ITFG1: variants seen among roughly 807,000 people sequenced by gnomAD.
ITFG1 encodes the protein integrin alpha FG-GAP repeat containing 1.
Under a neutral mutation model 81.8 loss-of-function variants are expected in ITFG1, and 34 were observed. The observed-to-expected ratio is 0.42, with a 90% CI of 0.32 to 0.55. The LOEUF (loss-of-function observed/expected upper bound fraction) is 0.55. Ranked by LOEUF, ITFG1 falls within the 20% of genes least tolerant of loss-of-function variation. ITFG1 has a pLI of 0.17. For missense variants in ITFG1, 672 were observed against 755.4 expected, an observed-to-expected ratio of 0.89 and a Z score of 1.29; for synonymous variants, 285 against 270.6, an observed-to-expected ratio of 1.05 and a Z score of -0.52.
intron 6 of ITFG1, chr16:47,396,152 GGA>G (rs1968590107): frequency 1.0e-6 from 1 of 985,126 alleles, no homozygotes; most frequent in African/African-American, 1.7e-5. Flanking sequence ...GTCAGGAGAA[GGA>G]GAGATAAGTC....
intron 7 of ITFG1, among the ~76,000 whole-genome samples, chr16:47,371,890 A>AGGATC (rs1205161254): frequency 6.6e-6 from 1 of 151,840 alleles, no homozygotes; most frequent in African/African-American, 2.4e-5. Flanking sequence ...AGGGTGCCCA[A>AGGATC]GGATCTGGTT....
In ITFG1 at chr16:47,226,773, A is replaced by G. The variant is rs535695997; in HGVS notation, c.1375-7827T>C. Among the ~76,000 whole-genome samples the G allele has an allele frequency of 3.3e-5, 5 of 152,216 alleles. No individual in the cohort carries two copies. The East Asian group carries it at 9.7e-4, about 29-fold the overall frequency. On this transcript the variant is annotated intron_variant, in intron 13 of 17. Coordinates refer to ENST00000320640, the MANE Select transcript of ITFG1 (RefSeq NM_030790.5). ...CAAAAATCTGAATGTAAAAGGAGAT[A>G]AGGGAATATGCTATCTTCTATTACA...
intron 8 of ITFG1, among the ~76,000 whole-genome samples, chr16:47,352,525 T>G (rs1267671707): frequency 6.6e-6 from 1 of 152,124 alleles, no homozygotes; most frequent in Non-Finnish European, 1.5e-5. Context: ...TCTATACCAG[T>G]TAGAATGGCG....
chr16:47,224,588 C>A (rs1482005868), intron 13 of ITFG1, among the ~76,000 whole-genome samples: 1 of 151,958 alleles, frequency 6.6e-6, no homozygotes. Flanking sequence ...AACCACAAAC[C>A]CAGGCAATGG....
At position 47,391,315 on chromosome 16, in the gene ITFG1, A is replaced by G. The variant is rs1352802137; in HGVS notation, c.656-15375T>C. ...AATCCTACAGTTGAAGAGAGTCTAT[A>G]TAAAGACACCTATATTTTCACAGAA... On this transcript the variant is annotated intron_variant, in intron 6 of 17. Transcript: ENST00000320640. Among the ~76,000 whole-genome samples the G allele has an allele frequency of 2.6e-5, 4 of 152,334 alleles. No homozygotes were observed. The East Asian group carries it at 7.7e-4, about 29-fold the overall frequency.
chr16:47,445,971 C>T (rs1231650536), intron 5 of ITFG1, among the ~76,000 whole-genome samples: 2 of 151,954 alleles, frequency 1.3e-5, no homozygotes, highest in African/African-American at 4.8e-5. Context: ...CATTTATTTA[C>T]GTATTTGTGA....
chr16:47,163,954 TAC>T (rs796283043), intron 14 of ITFG1, among the ~76,000 whole-genome samples: 22 of 96,678 alleles, frequency 2.3e-4, no homozygotes, highest in East Asian at 5.5e-4. Context: ...CACACACACA[TAC>T]ACACACACAC....
At chr16:47,411,073 C>T (rs1395757609) in intron 6 of ITFG1, among the ~76,000 whole-genome samples, 5 of 152,170 alleles carry the variant, frequency 3.3e-5, no homozygotes, top group Non-Finnish European at 7.3e-5. Context: ...TTTCCAGTGA[C>T]CCAGGGACAG....
chr16:47,443,045 A>C (rs1427847946), intron 5 of ITFG1, among the ~76,000 whole-genome samples: 1 of 152,222 alleles, frequency 6.6e-6, no homozygotes, highest in African/African-American at 2.4e-5. Context: ...GAACTCAAAC[A>C]AATTTACAAG....
chr16:47,341,028 T>C lies in ITFG1; in HGVS notation c.802+24760A>G, dbSNP rs371195833. ...ACAATGGAATGAAGCAAAAAAGCAATAGCAGAAGAGAAACAAGAAAATTCA... is the reference window on the plus strand; with the variant it reads ...ACAATGGAATGAAGCAAAAAAGCAACAGCAGAAGAGAAACAAGAAAATTCA... On this transcript the variant is annotated intron_variant, in intron 8 of 17. Coordinates refer to ENST00000320640, the MANE Select transcript of ITFG1 (RefSeq NM_030790.5). 1.4e-4 allele frequency among the ~76,000 whole-genome samples: 22 copies of C among 151,852 alleles called. No individual in the cohort carries two copies. The East Asian group carries it at 1.5e-3, about 11-fold the overall frequency.
rs1218226638 is a variant in ITFG1 at position 47,375,888 on chromosome 16, T to C, written c.708A>G (p.Ile236Met). The C allele has an allele frequency of 6.3e-7, 1 of 1,597,640 alleles. No homozygotes were observed. The highest frequency in any genetic ancestry group is 1.1e-5 in the South Asian group (1 of 90,612). ...NATTSTFQFE[I>M]WENLDGNFSV... Reference sequence around the variant, plus strand: ...AAAGATTTCTTACCAAATTTTCCCATATTTCAAACTGGAAGGTACTAGTGG... The same window carrying C: ...AAAGATTTCTTACCAAATTTTCCCACATTTCAAACTGGAAGGTACTAGTGG... Residue 236 changes from isoleucine (I) to methionine (M), a missense_variant, in exon 7 of 18, where the codon ATA becomes ATG. Ile to Met is a conservative substitution (Grantham distance 10). Transcript: ENST00000320640.
intron 14 of ITFG1, among the ~76,000 whole-genome samples, chr16:47,215,674 A>G (rs1965617293): frequency 6.6e-6 from 1 of 152,226 alleles, no homozygotes; most frequent in Non-Finnish European, 1.5e-5. Flanking sequence ...CACTTAAAAT[A>G]ACGCACATAC....
intron 6 of ITFG1, among the ~76,000 whole-genome samples, chr16:47,417,818 G>A (rs1339968924): frequency 1.3e-5 from 2 of 151,980 alleles, no homozygotes; most frequent in Admixed American, 1.3e-4. Context: ...TGCCTATTTT[G>A]AGTACTATTG....
Position 47,428,993 on chromosome 16 carries a change from TTTA to T in ITFG1, c.561-98_561-96del, listed in dbSNP as rs1165538881. The stretch of plus-strand genomic sequence containing the variant: ...TCTGCATGCAAAACACTTAAATTTA[TTTA>T]TTTTCATTGATATATTCAACATACA... On this transcript the variant is annotated intron_variant, in intron 5 of 17. Coordinates refer to ENST00000320640, the MANE Select transcript of ITFG1 (RefSeq NM_030790.5). 7.1e-6 allele frequency: 5 copies of T among 701,538 alleles called. No homozygotes were observed. The African/African-American group carries it at 9.1e-5, about 13-fold the overall frequency. 43.5% of individuals were successfully genotyped at this position (701,538 alleles called of 1,614,324 possible).
At chr16:47,217,007 T>C (rs1038593353) in intron 14 of ITFG1, among the ~76,000 whole-genome samples, 5 of 152,218 alleles carry the variant, frequency 3.3e-5, no homozygotes, top group Non-Finnish European at 5.9e-5. Flanking sequence ...TACTGTTGTA[T>C]TGTTGTATTA....
At chr16:47,372,230 G>GT (rs1968265338) in intron 7 of ITFG1, among the ~76,000 whole-genome samples, 1 of 151,800 alleles carries the variant, frequency 6.6e-6, no homozygotes, top group South Asian at 2.1e-4. Context: ...ACATGTCTCT[G>GT]TTTTTTGCTT....
At chr16:47,429,038 T>C (rs1969060265) in intron 5 of ITFG1, 140 bp from the exon 6 acceptor site, 1 of 606,384 alleles carries the variant, frequency 1.6e-6, no homozygotes, top group Admixed American at 3.1e-5. Flanking sequence ...TCTCTTAAAG[T>C]GCAGTGAGTG....
At chr16:47,352,898 C>T (rs552221212) in intron 8 of ITFG1, among the ~76,000 whole-genome samples, 1 of 152,068 alleles carries the variant, frequency 6.6e-6, no homozygotes, top group East Asian at 1.9e-4. Flanking sequence ...ATGAGTTCAT[C>T]TCCTTTGTAG....
At chr16:47,431,484 C>T (rs971349705) in intron 5 of ITFG1, among the ~76,000 whole-genome samples, 6 of 152,146 alleles carry the variant, frequency 3.9e-5, no homozygotes, top group African/African-American at 1.4e-4. Flanking sequence ...GGCCTCTGAC[C>T]CTGTCCATGG....
Sources: allele counts gnomAD v4.1 joint callset (sites outside exome capture counted in the v4.1 genomes callset), GRCh38; gene constraint gnomAD v4.1.1; transcripts MANE v1.5; gene names NCBI Gene and HGNC (gene_info 2026-07-23, HGNC 2026-07-21).